Variants in RAP1GDS1 observed in about 807,000 individuals in gnomAD.
The protein encoded by RAP1GDS1 is Rap1 GTPase-GDP dissociation stimulator 1.
In RAP1GDS1, 35 loss-of-function variants were observed where a neutral mutation model predicts 71.1. The ratio of observed to expected loss-of-function variants is 0.49; its 90% confidence interval spans 0.38 to 0.65. The LOEUF (loss-of-function observed/expected upper bound fraction) is 0.65. Among genes scored for constraint, RAP1GDS1 ranks in the 30% least tolerant of loss-of-function variants. The pLI is 0.00. For missense variants in RAP1GDS1, 663 were observed against 706.1 expected (o/e 0.94, Z 0.69); for synonymous variants, 229 against 243.1 (o/e 0.94, Z 0.54).
intron 13 of RAP1GDS1, among the ~76,000 whole-genome samples, chr4:98,436,272 A>C (rs1181058595): frequency 3.3e-5 from 5 of 152,106 alleles, no homozygotes; most frequent in African/African-American, 1.2e-4. Flanking sequence ...TCTTCCATTC[A>C]GTGCCTTTGA....
At chr4:98,365,747 C>T (rs547692728) in intron 4 of RAP1GDS1, among the ~76,000 whole-genome samples, 3 of 152,190 alleles carry the variant, frequency 2.0e-5, no homozygotes, top group South Asian at 4.1e-4. Context: ...CACTTTTGTT[C>T]GATTTTTACT....
At chr4:98,415,828 A>AT (rs1191187450) in intron 7 of RAP1GDS1, among the ~76,000 whole-genome samples, 16 of 152,200 alleles carry the variant, frequency 1.1e-4, no homozygotes, top group African/African-American at 3.6e-4. Flanking sequence ...CAGAAATAGC[A>AT]TTTAGTAAAC....
chr4:98,294,039 G>A (rs1387439080), intron 2 of RAP1GDS1, among the ~76,000 whole-genome samples: 2 of 152,092 alleles, frequency 1.3e-5, no homozygotes, highest in Non-Finnish European at 2.9e-5. Context: ...TGAAATTGGG[G>A]TAGGATTTTA....
chr4:98,283,195 T>C (rs1214013596), intron 1 of RAP1GDS1, among the ~76,000 whole-genome samples: 2 of 152,320 alleles, frequency 1.3e-5, no homozygotes, highest in African/African-American at 2.4e-5. Context: ...TACATTGATG[T>C]AGTTGTGTTT....
At chr4:98,379,281 A>G (rs1741640124) in intron 5 of RAP1GDS1, 118 bp downstream of exon 5, 2 of 1,018,008 alleles carry the variant, frequency 2.0e-6, no homozygotes, top group East Asian at 2.9e-5. Context: ...AGTGGCATAT[A>G]AAATTAATAA....
At chr4:98,364,200 A>G (rs1369302413) in intron 4 of RAP1GDS1, among the ~76,000 whole-genome samples, 1 of 152,154 alleles carries the variant, frequency 6.6e-6, no homozygotes, top group Non-Finnish European at 1.5e-5. Context: ...CATTTAGCAA[A>G]ATGTTGTTAA....
At chr4:98,404,686 T>C in intron 7 of RAP1GDS1, 84 bp downstream of exon 7, 1 of 1,475,314 alleles carries the variant, frequency 6.8e-7, no homozygotes, top group Non-Finnish European at 9.2e-7. Context: ...GCCAGCCATT[T>C]GACTCAAAAC....
chr4:98,305,605 G>A (rs901453212), intron 2 of RAP1GDS1, among the ~76,000 whole-genome samples: 4 of 152,146 alleles, frequency 2.6e-5, no homozygotes, highest in African/African-American at 9.7e-5. Context: ...TCTCTCACAA[G>A]CCATGAGATT....
intron 2 of RAP1GDS1, among the ~76,000 whole-genome samples, chr4:98,306,157 G>A (rs1183885239): frequency 6.6e-6 from 1 of 152,118 alleles, no homozygotes; most frequent in Non-Finnish European, 1.5e-5. Flanking sequence ...TTCTCTAATC[G>A]TATAAGCAGT....
intron 1 of RAP1GDS1, among the ~76,000 whole-genome samples, chr4:98,263,149 G>A (rs759982321): frequency 1.3e-4 from 20 of 152,058 alleles, no homozygotes; most frequent in Non-Finnish European, 2.2e-4. Context: ...AATACACTTT[G>A]AAATAAAATT....
At chr4:98,332,386 G>A (rs575641071) in intron 2 of RAP1GDS1, among the ~76,000 whole-genome samples, 23 of 152,164 alleles carry the variant, frequency 1.5e-4, no homozygotes, top group Non-Finnish European at 2.8e-4. Context: ...TGCTTTTCTA[G>A]TCCTTCAAGA....
At position 98,293,471 on chromosome 4, in the gene RAP1GDS1, T is replaced by TAGA. The variant is rs748163178; in HGVS notation, c.71_73dup (p.Glu24dup). 4.3e-6 allele frequency: 7 copies of TAGA among 1,610,846 alleles called. No homozygotes were observed. In the South Asian group the frequency reaches 7.8e-5, roughly 18 times the overall value. On this transcript the variant is annotated inframe_insertion, in exon 2 of 15. Coordinates refer to ENST00000408927, the MANE Select transcript of RAP1GDS1 (RefSeq NM_001100427.2). ...GCTGTTGACAAGACTGAGGATAGTTTAGAAGGATGCTTGGATTGTCTGCTT... is the reference window on the plus strand; with the variant it reads ...GCTGTTGACAAGACTGAGGATAGTTTAGAAGAAGGATGCTTGGATTGTCTGCTT...
At chr4:98,345,396 C>G (rs962680811) in intron 3 of RAP1GDS1, among the ~76,000 whole-genome samples, 2 of 152,098 alleles carry the variant, frequency 1.3e-5, no homozygotes, top group Non-Finnish European at 2.9e-5. Flanking sequence ...ATTAACACAC[C>G]TTTGTGCTGA....
chr4:98,430,272 A>G (rs1375733551), intron 12 of RAP1GDS1, among the ~76,000 whole-genome samples: 2 of 152,224 alleles, frequency 1.3e-5, no homozygotes, highest in African/African-American at 4.8e-5. Flanking sequence ...TTACAACTTT[A>G]GGATTACAAT....
rs374099154 is a variant in RAP1GDS1, at chr4:98,391,937, T to A, written c.509-15T>A. 2 of 1,564,102 alleles carry A rather than the reference T, an allele frequency of 1.3e-6. No individual in the cohort carries two copies. Among genetic ancestry groups the A allele is most frequent in the Non-Finnish European group, 1.7e-6 (2 of 1,160,686 alleles). On this transcript the variant is annotated splice_polypyrimidine_tract_variant and intron_variant, in intron 5 of 14. Transcript: ENST00000408927. Reference sequence around the variant, plus strand: ...CACTTTCTTTTCTGTTGTTGTTTTTTTTTTGTTTTTACAGATTCGCTTCAA... The same window carrying A: ...CACTTTCTTTTCTGTTGTTGTTTTTATTTTGTTTTTACAGATTCGCTTCAA...
At chr4:98,422,748 G>A (rs1749068324) in intron 12 of RAP1GDS1, among the ~76,000 whole-genome samples, 1 of 152,222 alleles carries the variant, frequency 6.6e-6, no homozygotes, top group Non-Finnish European at 1.5e-5. Flanking sequence ...CAGCTGGTAA[G>A]CCTCAGGAGT....
intron 12 of RAP1GDS1, among the ~76,000 whole-genome samples, chr4:98,432,071 A>G (rs972419672): frequency 2.0e-5 from 3 of 152,138 alleles, no homozygotes; most frequent in African/African-American, 7.2e-5. Flanking sequence ...TCCTAATGCT[A>G]TCCCTCCCCG....
At chr4:98,375,864 A>G (rs558666762) in intron 4 of RAP1GDS1, among the ~76,000 whole-genome samples, 1 of 152,316 alleles carries the variant, frequency 6.6e-6, no homozygotes, top group South Asian at 2.1e-4. Context: ...GACATGCCAC[A>G]ATAGTTAGAT....
chr4:98,313,681 CA>C (rs910283361), intron 2 of RAP1GDS1, among the ~76,000 whole-genome samples: 1 of 151,866 alleles, frequency 6.6e-6, no homozygotes, highest in Non-Finnish European at 1.5e-5. Context: ...CTCATCGCCA[CA>C]AAAAAATTTA....
Sources: gnomAD v4.1 joint callset for allele counts (sites outside exome capture counted in the v4.1 genomes callset) on GRCh38, gnomAD v4.1.1 for gene constraint, MANE v1.5 for transcripts, NCBI Gene and HGNC (gene_info 2026-07-23, HGNC 2026-07-21) for gene names.